The following BTG4 variants were observed in gnomAD, a reference collection of about 807,000 sequenced individuals.
The protein encoded by BTG4 is BTG anti-proliferation factor 4.
Under a neutral mutation model 19.3 loss-of-function variants are expected in BTG4, and 10 were observed. The ratio of observed to expected loss-of-function variants is 0.52; its 90% confidence interval spans 0.32 to 0.88. The LOEUF is 0.88. Ranked by LOEUF, BTG4 falls within the 40% of genes least tolerant of loss-of-function variation. The pLI is 0.04. For synonymous variants in BTG4, 91 were observed against 95.7 expected (o/e 0.95, Z 0.29); for missense variants, 238 against 281.9 (o/e 0.84, Z 1.11).
chr11:111,410,906 C>T, the BTG4 span, among the ~76,000 whole-genome samples: 7 of 152,148 alleles, frequency 4.6e-5, no homozygotes, highest in Admixed American at 3.3e-4. Flanking sequence ...CTTTTTTCAT[C>T]CTCTGCACCC....
chr11:111,436,635 G>A, the BTG4 span, among the ~76,000 whole-genome samples: 54 of 145,668 alleles, frequency 3.7e-4, no homozygotes, highest in East Asian at 1.2e-3. Context: ...CTCAAAAAAA[G>A]AAAAAAAAAA....
chr11:111,474,857 A>G (rs1396382232), intron 5 of BTG4, among the ~76,000 whole-genome samples: 1 of 152,112 alleles, frequency 6.6e-6, no homozygotes, highest in Non-Finnish European at 1.5e-5. Context: ...TGGTATCTCA[A>G]TGTAGTTTTA....
At chr11:111,427,413 G>A in the BTG4 span, among the ~76,000 whole-genome samples, 292 of 152,274 alleles carry the variant, frequency 1.9e-3, 1 homozygote, top group Non-Finnish European at 3.4e-3. Context: ...TGGGACCTCT[G>A]CTCACAGCTC....
chr11:111,442,174 G>C, the BTG4 span, among the ~76,000 whole-genome samples: 1 of 151,968 alleles, frequency 6.6e-6, no homozygotes, highest in Non-Finnish European at 1.5e-5. Context: ...AACTCCTTGG[G>C]GATATGGCCA....
At chr11:111,400,753 A>C in the BTG4 span, among the ~76,000 whole-genome samples, 1 of 152,180 alleles carries the variant, frequency 6.6e-6, no homozygotes, top group Non-Finnish European at 1.5e-5. Flanking sequence ...CACCTTAACC[A>C]AGTGACCAAT....
chr11:111,502,260 C>T (rs1374446102), intron 1 of BTG4, among the ~76,000 whole-genome samples: 1 of 152,122 alleles, frequency 6.6e-6, no homozygotes, highest in Non-Finnish European at 1.5e-5. Flanking sequence ...GTGTGAACCA[C>T]CACGCCCGGC....
chr11:111,481,603 A>T (rs769347150), intron 5 of BTG4, among the ~76,000 whole-genome samples: 3 of 151,960 alleles, frequency 2.0e-5, no homozygotes, highest in Non-Finnish European at 4.4e-5. Flanking sequence ...TTTCAGCAAT[A>T]TATAAAATGA....
the BTG4 span, among the ~76,000 whole-genome samples, chr11:111,438,486 G>T: frequency 2.6e-5 from 4 of 152,118 alleles, no homozygotes; most frequent in Non-Finnish European, 1.5e-5. Context: ...CCAAAGCCAG[G>T]CACTCTCATG....
the BTG4 span, among the ~76,000 whole-genome samples, chr11:111,434,671 C>T: frequency 6.6e-6 from 1 of 150,672 alleles, no homozygotes; most frequent in Admixed American, 6.6e-5. Context: ...ATATACCCAT[C>T]TATGGTAAAC....
intron 1 of BTG4, among the ~76,000 whole-genome samples, chr11:111,511,896 C>T (rs1474259076): frequency 6.6e-6 from 1 of 152,174 alleles, no homozygotes; most frequent in African/African-American, 2.4e-5. Context: ...TTCTACTATT[C>T]TAAATAGTCC....
upstream of BTG4, among the ~76,000 whole-genome samples, chr11:111,513,693 G>T (rs1028720137): frequency 1.3e-5 from 2 of 149,874 alleles, no homozygotes; most frequent in African/African-American, 2.5e-5. Context: ...GTTTTGTTTT[G>T]TTTTTTTTTC....
chr11:111,474,190 T>C (rs372039192), intron 5 of BTG4, among the ~76,000 whole-genome samples: 15 of 152,250 alleles, frequency 9.9e-5, no homozygotes, highest in African/African-American at 3.4e-4. Flanking sequence ...ATGAAAACTT[T>C]TAAACCTTTA....
rs1591472231 is a variant in BTG4, at chr11:111,480,419, C to T, written c.663-12738G>A. 4.6e-5 allele frequency among the ~76,000 whole-genome samples: 7 copies of T among 152,124 alleles called. No individual in the cohort carries two copies. The East Asian group carries it at 1.2e-3, about 25-fold the overall frequency. ...CAATTTATAGAACTAGACAGAAAAT[C>T]AGCAAGGATATAAAAGAACTCGACA... is the stretch of plus-strand genomic sequence containing the variant. On this transcript the variant is annotated intron_variant, in intron 5 of 5. Transcript: ENST00000356018.
chr11:111,470,604 T>C (rs1864001783), intron 5 of BTG4, among the ~76,000 whole-genome samples: 1 of 152,188 alleles, frequency 6.6e-6, no homozygotes, highest in Non-Finnish European at 1.5e-5. Flanking sequence ...AGCTTGATAA[T>C]GATATTCTTA....
At chr11:111,420,616 C>G in the BTG4 span, among the ~76,000 whole-genome samples, 1 of 152,194 alleles carries the variant, frequency 6.6e-6, no homozygotes, top group Non-Finnish European at 1.5e-5. Context: ...TGGTTCTCCC[C>G]TGTAATGGGT....
chr11:111,439,521 A>G, the BTG4 span, among the ~76,000 whole-genome samples: 6 of 151,576 alleles, frequency 4.0e-5, no homozygotes, highest in Non-Finnish European at 1.5e-5. Flanking sequence ...ACCGCCCTCT[A>G]CTTCCCTTAC....
downstream of BTG4, among the ~76,000 whole-genome samples, chr11:111,494,630 G>A (rs947499031): frequency 6.6e-6 from 1 of 152,154 alleles, no homozygotes; most frequent in Non-Finnish European, 1.5e-5. Context: ...GGTGAGGGGA[G>A]AAAGAATGAA....
In BTG4 at chr11:111,501,340, C is replaced by T. The variant is rs142609865; in HGVS notation, c.-26-2538G>A. Among the ~76,000 whole-genome samples the T allele has an allele frequency of 3.9e-3, 588 of 152,220 alleles. 5 individuals are homozygous for T. The highest frequency in any genetic ancestry group is 0.013 in the African/African-American group (546 of 41,536). ...GAGCTATGATTGTGTCACTGCACTC[C>T]AGCCTGGGCAACAGAGCAAAGACCC... On this transcript the variant is annotated intron_variant, in intron 1 of 4. Transcript: ENST00000692032.
chr11:111,486,609 T>C (rs1865079676), intron 5 of BTG4, among the ~76,000 whole-genome samples: 1 of 152,066 alleles, frequency 6.6e-6, no homozygotes, highest in Non-Finnish European at 1.5e-5. Context: ...GGCCAGTATC[T>C]CTGATGAATA....
Sources: gnomAD v4.1 joint callset for allele counts (sites outside exome capture counted in the v4.1 genomes callset) on GRCh38, gnomAD v4.1.1 for gene constraint, MANE v1.5 for transcripts, NCBI Gene and HGNC (gene_info 2026-07-23, HGNC 2026-07-21) for gene names.